COQ9: variants seen among roughly 807,000 people sequenced by gnomAD.
The protein encoded by COQ9 is coenzyme Q9.
In COQ9, 35 loss-of-function variants were observed where a neutral mutation model predicts 42.4. The observed-to-expected ratio is 0.83, with a 90% CI of 0.63 to 1.10. The LOEUF is 1.10. Ranked by LOEUF, COQ9 falls within the 50% of genes least tolerant of loss-of-function variation. COQ9 has a pLI of 0.00. For synonymous variants in COQ9, 155 were observed against 155.1 expected, an observed-to-expected ratio of 1.00 and a Z score of 0.00; for missense variants, 406 against 414.6, an observed-to-expected ratio of 0.98 and a Z score of 0.18.
rs1436959025 is a variant in COQ9, at chr16:57,458,255, A to T, written c.616A>T (p.Ile206Phe). Residue 206 changes from isoleucine (I) to phenylalanine (F), a missense_variant, in exon 6 of 9, where the codon ATC (isoleucine) becomes TTC (phenylalanine). Transcript: ENST00000262507. ...YIEHWPRALS[I>F]LMLPHNIPSS... is the part of the protein sequence containing the mutation. ...GCCATTCTCTCTCCAGGCCCTCAGC[A>T]TCCTCATGCTCCCTCACAACATCCC... The T allele has an allele frequency of 3.1e-6, 5 of 1,610,352 alleles. No homozygotes were observed. The Middle Eastern group carries it at 5.0e-4, about 159-fold the overall frequency.
At chr16:57,453,055 A>G in intron 3 of COQ9, 119 bp downstream of exon 3, 1 of 1,352,930 alleles carries the variant, frequency 7.4e-7, no homozygotes, top group Non-Finnish European at 1.0e-6. Flanking sequence ...CACAGCTGCA[A>G]GATTGACTGG....
rs201420090 is a variant in COQ9 at position 57,447,520 on chromosome 16, G to T, written c.15G>T (p.Ala5=). MAAA[A]VSGALGRAGW... is the part of the protein sequence containing the mutation. ...CCGCTTCCAAAATGGCGGCGGCGGC[G>T]GTATCTGGTGCGCTTGGCCGGGCGG... Residue 5 remains alanine, a synonymous_variant, in exon 1 of 9, where the codon GCG becomes GCT. Coordinates refer to ENST00000262507, the MANE Select transcript of COQ9 (RefSeq NM_020312.4). 10 of 1,310,146 alleles carry T rather than the reference G, an allele frequency of 7.6e-6. No homozygotes were observed. The highest frequency in any genetic ancestry group is 8.8e-6 in the Non-Finnish European group (9 of 1,023,572). 81.2% of individuals were successfully genotyped at this position (1,310,146 alleles called of 1,614,324 possible). A position where few individuals can be genotyped will look rare whatever the true frequency, so the allele number is the denominator to read the frequency against.
chr16:57,447,490 C>T lies in COQ9; in HGVS notation c.-16C>T. 7.7e-7 allele frequency: 1 copy of T among 1,291,622 alleles called. No individual in the cohort carries two copies. Among genetic ancestry groups the T allele is most frequent in the Non-Finnish European group, 9.9e-7 (1 of 1,012,522 alleles). The allele number at this position is 1,291,622 out of a possible 1,614,324, so 80.0% of individuals were successfully genotyped here. On this transcript the variant is annotated 5_prime_UTR_variant, in exon 1 of 9. The change creates a new upstream start codon in the 5' untranslated region. Transcript: ENST00000262507. ...CTACCGGTCGCGTCGCCGTGGGCGA[C>T]GTGCCCGCTTCCAAAATGGCGGCGG...
At chr16:57,458,544 C>G (rs1157159531) in intron 6 of COQ9, among the ~76,000 whole-genome samples, 194 bp downstream of exon 6, 2 of 152,258 alleles carry the variant, frequency 1.3e-5, no homozygotes, top group African/African-American at 4.8e-5. Context: ...GACCAGCATT[C>G]TAGCCACAAA....
rs1205057938 is a variant in COQ9, at chr16:57,447,585, G to C, written c.73+7G>C. ...CAGCTGCGATGCCTGCCCGGTGAGG[G>C]GGCTGCCAAGCCGGGGAGAGGCGGG... On this transcript the variant is annotated splice_region_variant and intron_variant, in intron 1 of 8. Coordinates refer to ENST00000262507, the MANE Select transcript of COQ9 (RefSeq NM_020312.4). 7.9e-7 allele frequency: 1 copy of C among 1,264,902 alleles called. No individual in the cohort carries two copies. Among genetic ancestry groups the C allele is most frequent in the Admixed American group, 3.9e-5 (1 of 25,418 alleles). 78.4% of individuals were successfully genotyped at this position (1,264,902 alleles called of 1,614,324 possible).
intron 7 of COQ9, 33 bp from the exon 8 acceptor site, chr16:57,460,018 G>A (rs765458387): frequency 6.2e-7 from 1 of 1,608,544 alleles, no homozygotes; most frequent in Non-Finnish European, 8.5e-7. Context: ...TTGTGTTGGT[G>A]GCCTAAGGGA....
chr16:57,456,394 G>A, intron 3 of COQ9, 110 bp from the exon 4 acceptor site: 1 of 1,272,270 alleles, frequency 7.9e-7, no homozygotes, highest in Non-Finnish European at 1.1e-6. Flanking sequence ...TGGACCCAGA[G>A]TGAAGAAATC....
intron 5 of COQ9, chr16:57,457,317 C>A: frequency 2.2e-6 from 1 of 459,010 alleles, no homozygotes; most frequent in Non-Finnish European, 4.1e-6. Context: ...AGGAGGAATC[C>A]ATGCAGGAGG....
rs1598037146 is a variant in COQ9 at position 57,452,932 on chromosome 16, C to T, written c.374C>T (p.Ala125Val). 6.2e-7 allele frequency: 1 copy of T among 1,613,442 alleles called. No individual in the cohort carries two copies. The highest frequency in any genetic ancestry group is 1.1e-5 in the South Asian group (1 of 91,034). ...ACAGCAGAGGCGATTGCAGAAGGAG[C>T]CCAGGTGTGTATAGGTGAGGGTGGG... Reference protein sequence around the residue: ...GWTAEAIAEGAQSLGLSSAAA... With the variant: ...GWTAEAIAEGVQSLGLSSAAA... Residue 125 changes from alanine to valine, a missense_variant, in exon 3 of 9, where the codon GCC becomes GTC. By Grantham distance (64) the Ala-to-Val change is moderately conservative. Transcript: ENST00000262507.
intron 5 of COQ9, 125 bp downstream of exon 5, chr16:57,457,140 C>T: frequency 1.3e-6 from 1 of 788,468 alleles, no homozygotes; most frequent in South Asian, 1.5e-5. Flanking sequence ...ATAAACCCGA[C>T]AATACTTAGT....
intron 5 of COQ9, chr16:57,457,269 TCTC>T: frequency 1.8e-6 from 1 of 564,616 alleles, no homozygotes; most frequent in East Asian, 3.7e-5. Context: ...TGGGTGGGGT[TCTC>T]CTAGTGGTCT....
At chr16:57,458,786 G>C (rs2030462841) in intron 6 of COQ9, among the ~76,000 whole-genome samples, 2 of 152,228 alleles carry the variant, frequency 1.3e-5, no homozygotes, top group Middle Eastern at 3.4e-3. Flanking sequence ...TGATCAATAA[G>C]GCTCTTTAAA....
At chr16:57,453,529 C>T (rs2030337175) in intron 3 of COQ9, 1 of 165,976 alleles carries the variant, frequency 6.0e-6, no homozygotes. Context: ...AGCAAGATAC[C>T]ATCCTCCAAG....
At chr16:57,449,459 T>C (rs1293841081) in intron 1 of COQ9, among the ~76,000 whole-genome samples, 1 of 152,012 alleles carries the variant, frequency 6.6e-6, no homozygotes, top group African/African-American at 2.4e-5. Context: ...GATATACTGA[T>C]AGGCATAAAA....
Position 57,460,698 on chromosome 16 carries a change from G to A in COQ9, c.*74G>A, listed in dbSNP as rs886052181. ...TTGAAAGAGCTTTGAAAAGTATAAG[G>A]TGCCATCCACATAACCTGGTGTTCA... is the stretch of plus-strand genomic sequence containing the variant. On this transcript the variant is annotated 3_prime_UTR_variant, in exon 9 of 9. Transcript: ENST00000262507. 9.8e-6 allele frequency: 14 copies of A among 1,428,992 alleles called. No individual in the cohort carries two copies. Among genetic ancestry groups the A allele is most frequent in the Non-Finnish European group, 1.3e-5 (13 of 1,014,328 alleles). 88.5% of individuals were successfully genotyped at this position (1,428,992 alleles called of 1,614,324 possible).
intron 1 of COQ9, among the ~76,000 whole-genome samples, chr16:57,448,903 T>C (rs1305372458): frequency 6.6e-6 from 1 of 152,096 alleles, no homozygotes; most frequent in African/African-American, 2.4e-5. Flanking sequence ...AGAATAGTAT[T>C]TTTTTTATGG....
At position 57,447,531 on chromosome 16, in the gene COQ9, C is replaced by T. The variant is rs536567108; in HGVS notation, c.26C>T (p.Ala9Val). Reference sequence around the variant, plus strand: ...ATGGCGGCGGCGGCGGTATCTGGTGCGCTTGGCCGGGCGGGCTGGAGGCTC... The same window carrying T: ...ATGGCGGCGGCGGCGGTATCTGGTGTGCTTGGCCGGGCGGGCTGGAGGCTC... MAAAAVSG[A>V]LGRAGWRLLQ... The change falls in exon 1 of 9, where the codon GCG becomes GTG. Residue 9 changes from alanine (A) to valine (V), a missense_variant. Physicochemically the swap from Ala to Val is moderately conservative, Grantham distance 64. Coordinates refer to ENST00000262507, the MANE Select transcript of COQ9 (RefSeq NM_020312.4). 211 of 1,308,880 alleles carry T rather than the reference C, an allele frequency of 1.6e-4. 2 individuals are homozygous for T. In the South Asian group the frequency reaches 4.4e-3, roughly 27 times the overall value. The allele number at this position is 1,308,880 out of a possible 1,614,324, so 81.1% of individuals were successfully genotyped here. A position where few individuals can be genotyped will look rare whatever the true frequency, so the allele number is the denominator to read the frequency against.
rs1285009271 is a variant in COQ9, at chr16:57,456,511, GTC to G, written c.391_392del (p.Ser131GlnfsTer13). On this transcript the variant is annotated frameshift_variant, in exon 4 of 9. Transcript: ENST00000262507. LOFTEE classifies it high-confidence loss of function. ...CTGTCTCCCCTTTTGTAGTCTCTGG[GTC>G]TCTCCAGTGCAGCAGCCAGCATGTT... 6.2e-7 allele frequency: 1 copy of G among 1,614,180 alleles called. No individual in the cohort carries two copies. The highest frequency in any genetic ancestry group is 8.5e-7 in the Non-Finnish European group (1 of 1,180,032).
Position 57,460,947 on chromosome 16 carries a change from T to G in COQ9, c.*323T>G. 1 of 389,470 alleles carries G rather than the reference T, an allele frequency of 2.6e-6. No homozygotes were observed. The highest frequency in any genetic ancestry group is 2.1e-5 in the South Asian group (1 of 47,570). The allele number at this position is 389,470 out of a possible 1,614,324, so 24.1% of individuals were successfully genotyped here. On this transcript the variant is annotated 3_prime_UTR_variant, in exon 9 of 9. Transcript: ENST00000262507. ...CCAGCATGTCCCTGTCACAATCTCA[T>G]GGGCACCTTGATCATGTCTTAACCT...
Sources: allele counts gnomAD v4.1 joint callset (sites outside exome capture counted in the v4.1 genomes callset), GRCh38; gene constraint gnomAD v4.1.1; transcripts MANE v1.5; gene names NCBI Gene and HGNC (gene_info 2026-07-23, HGNC 2026-07-21).